Variants in ADAMTS16 observed in about 807,000 individuals in gnomAD.
ADAMTS16 encodes the protein ADAM metallopeptidase with thrombospondin type 1 motif 16.
Under a neutral mutation model 145.8 loss-of-function variants are expected in ADAMTS16, and 94 were observed. The observed-to-expected ratio is 0.64, with a 90% CI of 0.55 to 0.77. The LOEUF is 0.77. Among genes scored for constraint, ADAMTS16 ranks in the 30% least tolerant of loss-of-function variants. The pLI is 0.00. For synonymous variants in ADAMTS16, 659 were observed against 604.3 expected, an observed-to-expected ratio of 1.09 and a Z score of -1.33; for missense variants, 1,585 against 1,591.5, an observed-to-expected ratio of 1.00 and a Z score of 0.07.
intron 9 of ADAMTS16, among the ~76,000 whole-genome samples, chr5:5,207,187 A>G (rs1200019577): frequency 1.3e-5 from 2 of 152,146 alleles, no homozygotes; most frequent in Non-Finnish European, 2.9e-5. Context: ...ATGGACATGA[A>G]ATATCTCTCT....
chr5:5,279,388 C>A (rs890269537), intron 18 of ADAMTS16, among the ~76,000 whole-genome samples: 41 of 152,212 alleles, frequency 2.7e-4, no homozygotes, highest in African/African-American at 9.4e-4. Context: ...TTCCTCTAAT[C>A]CCCAGTCCTT....
chr5:5,297,307 C>T (rs1353977814), intron 18 of ADAMTS16, among the ~76,000 whole-genome samples: 1 of 152,210 alleles, frequency 6.6e-6, no homozygotes, highest in Non-Finnish European at 1.5e-5. Context: ...GAGAAGACCT[C>T]TTACTCTGAT....
At chr5:5,234,904 C>T in intron 12 of ADAMTS16, 110 bp from the exon 13 acceptor site, 1 of 732,522 alleles carries the variant, frequency 1.4e-6, no homozygotes. Flanking sequence ...CACTTTTTTC[C>T]TAATTACCCA....
rs190299090 is a variant in ADAMTS16 at position 5,207,543 on chromosome 5, A to G, written c.1452-1550A>G. On this transcript the variant is annotated intron_variant, in intron 9 of 22. Coordinates refer to ENST00000274181, the MANE Select transcript of ADAMTS16 (RefSeq NM_139056.4). ...GCCTTTTATGTAATATTCTTGCTTT[A>G]TTGCACTAGGTAGCACTTCCAATAC... Among the ~76,000 whole-genome samples the G allele has an allele frequency of 4.6e-5, 7 of 152,248 alleles. No homozygotes were observed. The East Asian group carries it at 7.7e-4, about 17-fold the overall frequency.
At chr5:5,177,443 C>T (rs1735230827) in intron 3 of ADAMTS16, among the ~76,000 whole-genome samples, 1 of 152,106 alleles carries the variant, frequency 6.6e-6, no homozygotes, top group Non-Finnish European at 1.5e-5. Flanking sequence ...GAGCCCAGTG[C>T]CTAAGTCAGG....
chr5:5,215,736 A>G (rs1298213392), intron 10 of ADAMTS16, among the ~76,000 whole-genome samples: 1 of 147,154 alleles, frequency 6.8e-6, no homozygotes, highest in Admixed American at 6.8e-5. Flanking sequence ...TATGTGGTAT[A>G]TATATATATG....
intron 17 of ADAMTS16, among the ~76,000 whole-genome samples, chr5:5,249,588 G>A (rs975616107): frequency 6.6e-6 from 1 of 152,104 alleles, no homozygotes; most frequent in African/African-American, 2.4e-5. Context: ...GGCTTTGCAC[G>A]GGCCCTGCAG....
intron 21 of ADAMTS16, among the ~76,000 whole-genome samples, chr5:5,315,872 T>C (rs1243104976): frequency 2.0e-5 from 3 of 152,196 alleles, no homozygotes; most frequent in African/African-American, 7.2e-5. Context: ...TTTTCTAAAA[T>C]TGGGTTTGAA....
At chr5:5,300,334 G>T (rs779678525) in intron 18 of ADAMTS16, among the ~76,000 whole-genome samples, 2 of 152,006 alleles carry the variant, frequency 1.3e-5, no homozygotes, top group Non-Finnish European at 2.9e-5. Context: ...GGGAAGCCAA[G>T]AATCAATTTT....
intron 16 of ADAMTS16, among the ~76,000 whole-genome samples, chr5:5,240,775 A>G (rs1339891571): frequency 3.3e-5 from 5 of 152,108 alleles, no homozygotes; most frequent in African/African-American, 4.8e-5. Context: ...TCCTACTTCC[A>G]TCTCCTGTCC....
chr5:5,170,657 C>A (rs1047072937), intron 3 of ADAMTS16, among the ~76,000 whole-genome samples: 1 of 152,156 alleles, frequency 6.6e-6, no homozygotes, highest in Non-Finnish European at 1.5e-5. Context: ...GGATTACAAG[C>A]GTGAGCCACC....
intron 17 of ADAMTS16, among the ~76,000 whole-genome samples, chr5:5,250,176 G>A (rs1442155124): frequency 6.6e-6 from 1 of 152,160 alleles, no homozygotes; most frequent in African/African-American, 2.4e-5. Context: ...TGCGCTGTGG[G>A]TCCAGGCTTA....
At chr5:5,186,301 GGTGTGT>G (rs1553989063) in intron 5 of ADAMTS16, 50 bp downstream of exon 5, 25 of 987,150 alleles carry the variant, frequency 2.5e-5, no homozygotes, top group East Asian at 8.1e-5. Context: ...CACTTCGTAG[GGTGTGT>G]GTGTGTGTGT....
intron 18 of ADAMTS16, among the ~76,000 whole-genome samples, chr5:5,300,156 C>A (rs1053272957): frequency 6.6e-6 from 1 of 152,068 alleles, no homozygotes; most frequent in African/African-American, 2.4e-5. Flanking sequence ...TCTTGAGCAG[C>A]CAACGTGTCT....
chr5:5,148,187 A>G (rs1307833249), intron 3 of ADAMTS16, among the ~76,000 whole-genome samples: 2 of 152,234 alleles, frequency 1.3e-5, no homozygotes, highest in Non-Finnish European at 2.9e-5. Flanking sequence ...TCTTCCAAAT[A>G]CTTGTAGTCC....
rs1735202888 is a variant in ADAMTS16, at chr5:5,176,593, G to A, written c.502-5451G>A. On this transcript the variant is annotated intron_variant, in intron 3 of 22. Coordinates refer to ENST00000274181, the MANE Select transcript of ADAMTS16 (RefSeq NM_139056.4). Reference sequence around the variant, plus strand: ...GTTGTACCCTTGAGGCTTCAGTGATGAGATTTTAACGTACAAAAAAAATCA... The same window carrying A: ...GTTGTACCCTTGAGGCTTCAGTGATAAGATTTTAACGTACAAAAAAAATCA... 2.0e-5 allele frequency among the ~76,000 whole-genome samples: 3 copies of A among 152,108 alleles called. No individual in the cohort carries two copies. The South Asian group carries it at 6.2e-4, about 31-fold the overall frequency.
At chr5:5,206,491 AT>A (rs1311877806) in intron 9 of ADAMTS16, among the ~76,000 whole-genome samples, 20 of 129,538 alleles carry the variant, frequency 1.5e-4, no homozygotes, top group Admixed American at 1.2e-3. Context: ...TATTTATTTT[AT>A]TTTTTGAAAT....
At chr5:5,239,049 T>C in intron 14 of ADAMTS16, 102 bp from the exon 15 acceptor site, 2 of 1,309,804 alleles carry the variant, frequency 1.5e-6, no homozygotes, top group Non-Finnish European at 2.0e-6. Context: ...TGGTGAAATT[T>C]TCAACTCTAG....
chr5:5,147,795 C>A (rs1043396454), intron 3 of ADAMTS16, among the ~76,000 whole-genome samples: 3 of 152,198 alleles, frequency 2.0e-5, no homozygotes, highest in African/African-American at 7.2e-5. Context: ...GAAATGGAAG[C>A]CATCTGTGTG....
Sources: allele counts gnomAD v4.1 joint callset (sites outside exome capture counted in the v4.1 genomes callset), GRCh38; gene constraint gnomAD v4.1.1; transcripts MANE v1.5; gene names NCBI Gene and HGNC (gene_info 2026-07-23, HGNC 2026-07-21).